The following SCAMP4 variants were observed in gnomAD, a reference collection of about 807,000 sequenced individuals.
SCAMP4 encodes secretory carrier membrane protein 4.
Under a neutral mutation model 32.1 loss-of-function variants are expected in SCAMP4, and 19 were observed. The observed-to-expected ratio is 0.59, with a 90% CI of 0.41 to 0.87. SCAMP4 has a LOEUF of 0.87. Ranked by LOEUF, SCAMP4 falls within the 40% of genes least tolerant of loss-of-function variation. The probability of loss-of-function intolerance (pLI) is 0.00; values close to 1 mark genes in which losing one functional copy is unlikely to be tolerated. For synonymous variants in SCAMP4, 152 were observed against 132.7 expected (o/e 1.15, Z -1.00); for missense variants, 302 against 309.0 (o/e 0.98, Z 0.17).
chr19:1,923,045 CCACG>C, intron 5 of SCAMP4, 21 bp from the exon 6 acceptor site: 2 of 1,525,586 alleles, frequency 1.3e-6, no homozygotes, highest in South Asian at 2.5e-5. Context: ...GTGCAGGCAC[CCACG>C]CACTCTCTTG....
chr19:1,919,420 C>T (rs2013847031), intron 5 of SCAMP4: 5 of 985,146 alleles, frequency 5.1e-6, no homozygotes, highest in African/African-American at 1.7e-5. Context: ...GAGAAACTCA[C>T]AGTCACTCTC....
intron 1 of SCAMP4, chr19:1,913,159 C>T: frequency 6.6e-7 from 1 of 1,526,306 alleles, no homozygotes; most frequent in Non-Finnish European, 8.8e-7. Context: ...TAGGCGCCGC[C>T]CTCCTGCCTC....
chr19:1,920,585 TAGTG>T (rs2013887787), intron 5 of SCAMP4: 2 of 985,096 alleles, frequency 2.0e-6, no homozygotes, highest in Middle Eastern at 5.2e-4. Flanking sequence ...GTTAGAGTCA[TAGTG>T]AGCGTGTGCC....
chr19:1,922,134 T>C (rs2013939041), intron 5 of SCAMP4: 1 of 985,464 alleles, frequency 1.0e-6, no homozygotes, highest in African/African-American at 1.7e-5. Flanking sequence ...AATCTCAAAA[T>C]GACTGTTTTC....
rs902804259 is a variant in SCAMP4, at chr19:1,917,594, C to T, written c.8-100C>T. On this transcript the variant is annotated intron_variant, in intron 2 of 6. Transcript: ENST00000316097. Reference sequence around the variant, plus strand: ...CTCAATCCCAACTGCAGAGTCCCTTCTGCCATGAGAGGCAACCCAGCCTTG... The same window carrying T: ...CTCAATCCCAACTGCAGAGTCCCTTTTGCCATGAGAGGCAACCCAGCCTTG... 15 of 1,374,354 alleles carry T rather than the reference C, an allele frequency of 1.1e-5. No homozygotes were observed. In the African/African-American group the frequency reaches 2.1e-4, roughly 20 times the overall value. 85.1% of individuals were successfully genotyped at this position (1,374,354 alleles called of 1,614,324 possible). A position where few individuals can be genotyped will look rare whatever the true frequency, so the allele number is the denominator to read the frequency against.
chr19:1,923,413 C>G (rs553137738), intron 6 of SCAMP4, among the ~76,000 whole-genome samples: 74 of 152,242 alleles, frequency 4.9e-4, no homozygotes, highest in Admixed American at 7.8e-4. Flanking sequence ...AGTCCTGTGG[C>G]CCCCTGGGCC....
intron 1 of SCAMP4, chr19:1,913,318 C>T (rs961175189): frequency 2.8e-6 from 3 of 1,087,972 alleles, no homozygotes; most frequent in Non-Finnish European, 1.3e-6. Context: ...TCGAGCTTTC[C>T]TGGACTCGGT....
rs1555840437 is a variant in SCAMP4 at position 1,923,763 on chromosome 19, C to CGTGA, written c.514-344_514-343insTGAG. 2.1e-4 allele frequency among the ~76,000 whole-genome samples: 31 copies of CGTGA among 147,446 alleles called. No homozygotes were observed. In the South Asian group the frequency reaches 2.4e-3, roughly 11 times the overall value. ...CCTCCCGAGTAGCTGGGACTACAGG[C>CGTGA]GCCCGCTACCGCACCTGGCTAATTA... On this transcript the variant is annotated intron_variant, in intron 6 of 6. Coordinates refer to ENST00000316097, the MANE Select transcript of SCAMP4 (RefSeq NM_079834.4).
chr19:1,913,437 C>A (rs999756386), intron 1 of SCAMP4: 11 of 544,858 alleles, frequency 2.0e-5, no homozygotes, highest in Admixed American at 3.5e-5. Context: ...AAATAAACAG[C>A]CCAAAACCAA....
chr19:1,920,326 A>G, intron 5 of SCAMP4: 5 of 982,108 alleles, frequency 5.1e-6, no homozygotes, highest in Non-Finnish European at 6.0e-6. Context: ...CTGCCCCACA[A>G]GACTGCGGTA....
intron 1 of SCAMP4, chr19:1,912,494 T>C: frequency 6.7e-7 from 1 of 1,497,816 alleles, no homozygotes; most frequent in Admixed American, 2.2e-5. Flanking sequence ...CCCGGCCGCC[T>C]CTGACCAGGG....
rs1296800839 is a variant in SCAMP4, at chr19:1,915,118, A to G, written c.7+92A>G. ...GGAGCCCTCGGTCCTGGCCGTTGGC[A>G]AACAGTGTCCTCCTGGCCCACCTGG... On this transcript the variant is annotated intron_variant, in intron 2 of 6. Transcript: ENST00000316097. The G allele has an allele frequency of 3.3e-6, 5 of 1,515,162 alleles. No individual in the cohort carries two copies. The African/African-American group carries it at 5.5e-5, about 17-fold the overall frequency. The allele number at this position is 1,515,162 out of a possible 1,614,324, so 93.9% of individuals were successfully genotyped here.
intron 5 of SCAMP4, 68 bp downstream of exon 5, chr19:1,919,058 G>A: frequency 6.4e-7 from 1 of 1,555,850 alleles, no homozygotes; most frequent in Non-Finnish European, 8.7e-7. Context: ...GGCCTGCTGG[G>A]AAGCCAGGCG....
intron 6 of SCAMP4, among the ~76,000 whole-genome samples, chr19:1,923,637 T>TA (rs1555840380): frequency 6.7e-6 from 1 of 148,568 alleles, no homozygotes; most frequent in African/African-American, 2.5e-5. Flanking sequence ...TTTTTTTTTT[T>TA]AGACAGAGTC....
intron 1 of SCAMP4, chr19:1,912,803 G>A (rs908242314): frequency 1.3e-6 from 2 of 1,578,190 alleles, no homozygotes; most frequent in East Asian, 2.3e-5. Flanking sequence ...CGCGCGGCCA[G>A]GGCCGCGGCA....
chr19:1,915,112 G>A (rs1050925262), intron 2 of SCAMP4, 86 bp downstream of exon 2: 35 of 1,542,344 alleles, frequency 2.3e-5, no homozygotes, highest in African/African-American at 1.6e-4. Flanking sequence ...GGTCCTGGCC[G>A]TTGGCAAACA....
intron 2 of SCAMP4, chr19:1,915,297 C>T (rs547699579): frequency 2.5e-5 from 14 of 568,614 alleles, no homozygotes; most frequent in Non-Finnish European, 3.8e-5. Context: ...GCTGCTCTTT[C>T]CTTATAGCAG....
rs759727457 is a variant in SCAMP4, at chr19:1,918,109, C to T, written c.137-18C>T. On this transcript the variant is annotated intron_variant, in intron 3 of 6. Coordinates refer to ENST00000316097, the MANE Select transcript of SCAMP4 (RefSeq NM_079834.4). ...ACCCTCCCGTGCCTGCTCATCCGTC[C>T]TCCCTCTCTCTTCGCAGTTTACTGC... 2 of 1,600,548 alleles carry T rather than the reference C, an allele frequency of 1.2e-6. No individual in the cohort carries two copies. Among genetic ancestry groups the T allele is most frequent in the South Asian group, 2.2e-5 (2 of 89,806 alleles).
At chr19:1,912,685 C>A in intron 1 of SCAMP4, 1 of 1,462,004 alleles carries the variant, frequency 6.8e-7, no homozygotes. Flanking sequence ...GCCGTGGGGG[C>A]CGTGGTAGTG....
Sources: gnomAD v4.1 joint callset for allele counts (sites outside exome capture counted in the v4.1 genomes callset) on GRCh38, gnomAD v4.1.1 for gene constraint, MANE v1.5 for transcripts, NCBI Gene and HGNC (gene_info 2026-07-23, HGNC 2026-07-21) for gene names.